MAP6: variants seen among roughly 807,000 people sequenced by gnomAD.
The protein encoded by MAP6 is microtubule-associated protein 6.
MAP6 carries 26 observed loss-of-function variants against 42.4 expected under a neutral mutation model. The ratio of observed to expected loss-of-function variants is 0.61; its 90% CI spans 0.45 to 0.85. The LOEUF is 0.85. Among genes scored for constraint, MAP6 ranks in the 40% least tolerant of loss-of-function variants. The pLI is 0.00. For synonymous variants in MAP6, 418 were observed against 443.8 expected, an observed-to-expected ratio of 0.94 and a Z score of 0.73; for missense variants, 966 against 1,099.0, an observed-to-expected ratio of 0.88 and a Z score of 1.71.
rs1334653128 is a variant in MAP6 at position 75,642,642 on chromosome 11, A to T, written c.905+24823T>A. On this transcript the variant is annotated intron_variant, in intron 1 of 3. Transcript: ENST00000304771. ...TTCATCATTGTTTGGAAACCTTGCC[A>T]TAAGACACACATTGTGCTTCTGTGG... is the stretch of plus-strand genomic sequence containing the variant. 2.1e-5 allele frequency: 4 copies of T among 186,696 alleles called. No individual in the cohort carries two copies. In the East Asian group the frequency reaches 4.9e-4, roughly 23 times the overall value. 11.6% of individuals were successfully genotyped at this position (186,696 alleles called of 1,614,324 possible).
At chr11:75,628,096 G>A (rs539042176) in intron 1 of MAP6, among the ~76,000 whole-genome samples, 5 of 152,318 alleles carry the variant, frequency 3.3e-5, no homozygotes, top group African/African-American at 1.2e-4. Flanking sequence ...GAGACAGCTG[G>A]CTAGCTGGTC....
chr11:75,611,787 C>T (rs186231297), intron 1 of MAP6, among the ~76,000 whole-genome samples: 1 of 152,342 alleles, frequency 6.6e-6, no homozygotes, highest in African/African-American at 2.4e-5. Flanking sequence ...TGTATATTCT[C>T]TATAGTTCTT....
chr11:75,632,155 C>G (rs1051189434), intron 1 of MAP6, among the ~76,000 whole-genome samples: 2 of 152,202 alleles, frequency 1.3e-5, no homozygotes, highest in South Asian at 4.1e-4. Flanking sequence ...TTAATCCTCA[C>G]TTCAACCCTA....
intron 2 of MAP6, among the ~76,000 whole-genome samples, chr11:75,607,054 A>G (rs1033294752): frequency 1.3e-5 from 2 of 152,202 alleles, no homozygotes; most frequent in African/African-American, 2.4e-5. Flanking sequence ...AGGCTGGATC[A>G]TTCACTCACT....
At chr11:75,593,049 G>C (rs1942508711) in intron 3 of MAP6, among the ~76,000 whole-genome samples, 1 of 152,218 alleles carries the variant, frequency 6.6e-6, no homozygotes, top group Non-Finnish European at 1.5e-5. Context: ...TGACCCCACA[G>C]TCATGGCCAG....
chr11:75,619,352 A>G (rs1233166857), intron 1 of MAP6, among the ~76,000 whole-genome samples: 2 of 152,214 alleles, frequency 1.3e-5, no homozygotes, highest in Non-Finnish European at 2.9e-5. Context: ...AAATCTGTAC[A>G]TATCTTTTTT....
Position 75,668,022 on chromosome 11 carries a change from G to C in MAP6, c.348C>G (p.Pro116=), listed in dbSNP as rs1052749974. The C allele has an allele frequency of 4.9e-5, 61 of 1,233,632 alleles. No individual in the cohort carries two copies. The highest frequency in any genetic ancestry group is 5.7e-5 in the Non-Finnish European group (56 of 988,296). 76.4% of individuals were successfully genotyped at this position (1,233,632 alleles called of 1,614,324 possible). ...AATCCTGCCGCATCACCGAGTCCGC[G>C]GGGCCGGAGGTGGAGCCGGAGCCCA... ...PGLGSGSTSG[P]ADSVMRQDYR... is the part of the protein sequence containing the mutation. The change falls in exon 1 of 4, where the codon CCC becomes CCG. Residue 116 remains proline, a synonymous_variant. Transcript: ENST00000304771.
At chr11:75,610,799 C>T (rs140470491) in intron 1 of MAP6, among the ~76,000 whole-genome samples, 2 of 152,100 alleles carry the variant, frequency 1.3e-5, no homozygotes, top group East Asian at 3.9e-4. Context: ...CTTGGAAACT[C>T]ATGAGGTGAG....
intron 1 of MAP6, among the ~76,000 whole-genome samples, chr11:75,653,755 T>C (rs1943690896): frequency 6.6e-6 from 1 of 152,154 alleles, no homozygotes; most frequent in South Asian, 2.1e-4. Flanking sequence ...CTTGCTGGAC[T>C]AAAAAAATAC....
chr11:75,641,340 G>C (rs1296866546), intron 1 of MAP6, among the ~76,000 whole-genome samples: 4 of 123,082 alleles, frequency 3.2e-5, no homozygotes, highest in Admixed American at 9.1e-5. Context: ...GTTGTGGGGT[G>C]GGGGGAGGGG....
At chr11:75,629,157 G>A (rs1338913393) in intron 1 of MAP6, among the ~76,000 whole-genome samples, 1 of 152,026 alleles carries the variant, frequency 6.6e-6, no homozygotes, top group Non-Finnish European at 1.5e-5. Flanking sequence ...GTGCGATCTC[G>A]GCTCACTGCA....
chr11:75,621,412 A>G (rs1943109273), intron 1 of MAP6, among the ~76,000 whole-genome samples: 1 of 152,210 alleles, frequency 6.6e-6, no homozygotes, highest in Admixed American at 6.5e-5. Context: ...AAAACCCTAC[A>G]ACAAACATAA....
At chr11:75,662,334 G>A (rs1189232504) in intron 1 of MAP6, among the ~76,000 whole-genome samples, 1 of 152,046 alleles carries the variant, frequency 6.6e-6, no homozygotes, top group African/African-American at 2.4e-5. Context: ...CTTTAAAACT[G>A]TATATATGTG....
At chr11:75,592,471 A>T (rs1427381552) in intron 3 of MAP6, among the ~76,000 whole-genome samples, 3 of 152,108 alleles carry the variant, frequency 2.0e-5, no homozygotes, top group African/African-American at 4.8e-5. Context: ...TTCATCCTTG[A>T]TACCTCCCTC....
chr11:75,623,759 G>A (rs1222794002), intron 1 of MAP6, among the ~76,000 whole-genome samples: 2 of 152,190 alleles, frequency 1.3e-5, no homozygotes, highest in Non-Finnish European at 2.9e-5. Context: ...GCCCAGGCTG[G>A]AGTGCAGTGG....
chr11:75,655,030 C>T (rs550585625), intron 1 of MAP6, among the ~76,000 whole-genome samples: 5 of 152,272 alleles, frequency 3.3e-5, no homozygotes, highest in African/African-American at 9.6e-5. Context: ...CAGGGCCCGC[C>T]TGGTACTTTT....
At chr11:75,636,778 T>A (rs918154257) in intron 1 of MAP6, among the ~76,000 whole-genome samples, 1 of 152,208 alleles carries the variant, frequency 6.6e-6, no homozygotes, top group Non-Finnish European at 1.5e-5. Flanking sequence ...CTTAGCCTGC[T>A]TGCCCCAGCT....
At chr11:75,614,543 C>A (rs535136068) in intron 1 of MAP6, among the ~76,000 whole-genome samples, 5 of 152,308 alleles carry the variant, frequency 3.3e-5, no homozygotes, top group African/African-American at 9.6e-5. Flanking sequence ...ATTCAAGTAG[C>A]CCTTGTGGAG....
Position 75,667,848 on chromosome 11 carries a change from G to C in MAP6, c.522C>G (p.Ile174Met). The stretch of plus-strand genomic sequence containing the variant: ...CCGCAGAGATCTGCACGGGCTTGGG[G>C]ATCCACGGGTGGTCCCCGCGGCGCG... ...PLPRRGDHPW[I>M]PKPVQISAAS... The change falls in exon 1 of 4, where the codon ATC becomes ATG. Residue 174 changes from isoleucine to methionine, a missense_variant. Ile to Met is a conservative substitution (Grantham distance 10). Coordinates refer to ENST00000304771, the MANE Select transcript of MAP6 (RefSeq NM_033063.2). This position sits in a 1 kb window ranked among gnomAD's most constrained non-coding sequence, Gnocchi z 5.6. 1 of 1,430,402 alleles carries C rather than the reference G, an allele frequency of 7.0e-7. No homozygotes were observed. The highest frequency in any genetic ancestry group is 1.5e-5 in the African/African-American group (1 of 68,192). 88.6% of individuals were successfully genotyped at this position (1,430,402 alleles called of 1,614,324 possible).
Sources: allele counts gnomAD v4.1 joint callset (sites outside exome capture counted in the v4.1 genomes callset), GRCh38; gene constraint gnomAD v4.1.1; non-coding constraint Gnocchi (gnomAD v3.1); transcripts MANE v1.5; gene names NCBI Gene and HGNC (gene_info 2026-07-23, HGNC 2026-07-21).